WDR1: variants seen among roughly 807,000 people sequenced by gnomAD.
The protein encoded by WDR1 is WD repeat domain 1.
WDR1 carries 21 observed loss-of-function variants against 71.9 expected under a neutral mutation model. That is an observed-to-expected ratio of 0.29 (90% CI 0.21 to 0.42). The LOEUF is 0.42. Ranked by LOEUF, WDR1 falls within the 10% of genes least tolerant of loss-of-function variation. WDR1 has a pLI of 1.00. For missense variants in WDR1, 696 were observed against 824.5 expected (o/e 0.84, Z 1.91); for synonymous variants, 424 against 347.4 (o/e 1.22, Z -2.45).
intron 12 of WDR1, 35 bp downstream of exon 12, chr4:10,078,856 G>C: frequency 6.4e-7 from 1 of 1,573,538 alleles, no homozygotes; most frequent in Non-Finnish European, 8.7e-7. Flanking sequence ...CAGATACCAA[G>C]GACAGAGAGC....
chr4:10,088,678 T>C lies in WDR1; in HGVS notation c.622A>G (p.Ser208Gly), dbSNP rs1415044716. 2.5e-6 allele frequency: 4 copies of C among 1,606,734 alleles called. No individual in the cohort carries two copies. The highest frequency in any genetic ancestry group is 1.7e-5 in the Admixed American group (1 of 59,174). Reference sequence around the variant, plus strand: ...CCAGTTCTTACCTGGCCGTCAGCACTGGCTGTGGCAAATCTGTTCCCATCA... The same window carrying C: ...CCAGTTCTTACCTGGCCGTCAGCACCGGCTGTGGCAAATCTGTTCCCATCA... ...SPDGNRFATASADGQIYIYDG... is the reference protein window; with the variant it reads ...SPDGNRFATAGADGQIYIYDG... Residue 208 changes from serine (S) to glycine (G), a missense_variant, in exon 6 of 15, where the codon AGT becomes GGT. Coordinates refer to ENST00000499869, the MANE Select transcript of WDR1 (RefSeq NM_017491.5).
At chr4:10,107,513 G>A (rs529876855) in intron 2 of WDR1, among the ~76,000 whole-genome samples, 1 of 152,256 alleles carries the variant, frequency 6.6e-6, no homozygotes, top group Non-Finnish European at 1.5e-5. Flanking sequence ...CTACCCTGCT[G>A]CCGCCCTGAC....
intron 2 of WDR1, among the ~76,000 whole-genome samples, chr4:10,105,679 G>GC (rs1163434344): frequency 6.6e-5 from 10 of 152,282 alleles, no homozygotes; most frequent in African/African-American, 2.4e-4. Flanking sequence ...TGGTGGAAAT[G>GC]CAAAATGGTA....
In WDR1 at chr4:10,103,933, G is replaced by C; in HGVS notation, c.192C>G (p.Ala64=). Residue 64 remains alanine, a synonymous_variant, in exon 3 of 15, where the codon GCC becomes GCG. Coordinates refer to ENST00000499869, the MANE Select transcript of WDR1 (RefSeq NM_017491.5). The part of the protein sequence containing the change: ...YTEHAHQVVV[A]KYAPSGFYIA... ...TGTAGAATCCGCTGGGCGCATACTT[G>C]GCCACCACCACCTGATGGGCGTGCT... The C allele has an allele frequency of 6.2e-7, 1 of 1,602,150 alleles. No individual in the cohort carries two copies. The highest frequency in any genetic ancestry group is 8.5e-7 in the Non-Finnish European group (1 of 1,174,696).
At chr4:10,086,114 A>C (rs140877647) in intron 8 of WDR1, among the ~76,000 whole-genome samples, 2 of 152,212 alleles carry the variant, frequency 1.3e-5, no homozygotes, top group Non-Finnish European at 2.9e-5. Context: ...GGCTCATGGG[A>C]AACTGTTTTT....
intron 4 of WDR1, among the ~76,000 whole-genome samples, chr4:10,098,728 A>T (rs1327261640): frequency 2.6e-5 from 4 of 152,146 alleles, no homozygotes; most frequent in Non-Finnish European, 5.9e-5. Flanking sequence ...TGGGCATGAG[A>T]GCTGGGGTTC....
chr4:10,077,674 T>G, intron 13 of WDR1, 79 bp downstream of exon 13: 2 of 1,476,332 alleles, frequency 1.4e-6, no homozygotes, highest in South Asian at 2.8e-5. Flanking sequence ...CAGCTCAAGG[T>G]CACCAAGTCA....
chr4:10,076,331 G>T (rs1764797589), intron 14 of WDR1: 1 of 152,344 alleles, frequency 6.6e-6, no homozygotes, highest in African/African-American at 2.4e-5. Context: ...CACATCACCA[G>T]GCTGGCTCTT....
chr4:10,097,627 C>G (rs944474886), intron 5 of WDR1, 84 bp downstream of exon 5: 3 of 1,458,690 alleles, frequency 2.1e-6, no homozygotes, highest in South Asian at 2.6e-5. Context: ...GCTGTGGTCT[C>G]TGCCATCAGC....
chr4:10,115,064 G>T (rs1342872212), intron 2 of WDR1, among the ~76,000 whole-genome samples: 1 of 152,220 alleles, frequency 6.6e-6, no homozygotes, highest in African/African-American at 2.4e-5. Flanking sequence ...ACCTACCAAG[G>T]GAAATCAGGC....
intron 14 of WDR1, 159 bp from the exon 15 acceptor site, chr4:10,075,643 T>C (rs1764771626): frequency 1.5e-6 from 1 of 681,406 alleles, no homozygotes. Flanking sequence ...GGTGGCAGTG[T>C]GGCTGAATTC....
At chr4:10,113,899 A>G (rs12498927) in intron 2 of WDR1, among the ~76,000 whole-genome samples, 78,206 of 152,008 alleles carry the variant, frequency 0.51, 20,283 homozygotes, top group East Asian at 0.63. Flanking sequence ...TTTGGCTTGG[A>G]GTATGTATGT....
intron 8 of WDR1, 25 bp from the exon 9 acceptor site, chr4:10,084,555 G>A (rs910015455): frequency 2.1e-5 from 33 of 1,608,658 alleles, no homozygotes; most frequent in Non-Finnish European, 2.6e-5. Flanking sequence ...CACTGGGCGG[G>A]TAAGCTGATG....
chr4:10,099,313 G>A (rs1166419048), intron 3 of WDR1, among the ~76,000 whole-genome samples, 174 bp from the exon 4 acceptor site: 3 of 152,218 alleles, frequency 2.0e-5, no homozygotes, highest in East Asian at 3.9e-4. Context: ...CGTGTCTTAG[G>A]GCAACAATAT....
At chr4:10,083,302 T>C (rs1765086981) in intron 9 of WDR1, 124 bp from the exon 10 acceptor site, 1 of 1,259,250 alleles carries the variant, frequency 7.9e-7, no homozygotes, top group East Asian at 2.6e-5. Context: ...GACATAACCA[T>C]TCCCCCTGGG....
Position 10,081,422 on chromosome 4 carries a change from C to T in WDR1, c.1219G>A (p.Asp407Asn), listed in dbSNP as rs922371986. Residue 407 changes from aspartate (D) to asparagine (N), a missense_variant, in exon 11 of 15, where the codon GAC becomes AAC. Coordinates refer to ENST00000499869, the MANE Select transcript of WDR1 (RefSeq NM_017491.5). ...DYSGQGVVKLDVQPKCVAVGP... is the reference protein window; with the variant it reads ...DYSGQGVVKLNVQPKCVAVGP... ...ACGGCTACGCACTTTGGCTGAACGT[C>T]CAGTTTCACAACTCCTTGTCCGCTG... The T allele has an allele frequency of 1.2e-6, 2 of 1,613,800 alleles. No homozygotes were observed. Among genetic ancestry groups the T allele is most frequent in the South Asian group, 1.1e-5 (1 of 91,078 alleles).
intron 5 of WDR1, among the ~76,000 whole-genome samples, chr4:10,090,041 G>T (rs1000009735): frequency 2.0e-5 from 3 of 152,184 alleles, no homozygotes; most frequent in Admixed American, 6.5e-5. Flanking sequence ...TTGGGGTGAA[G>T]CTGGAGGCAG....
Position 10,097,905 on chromosome 4 carries a change from C to G in WDR1, c.378-14G>C. ...ACTGCTCCAAACCTTGACCCAATGA[C>G]ACAGGTGGAAGACAAAAAAAAAAAA... On this transcript the variant is annotated splice_polypyrimidine_tract_variant and intron_variant, in intron 4 of 14. Coordinates refer to ENST00000499869, the MANE Select transcript of WDR1 (RefSeq NM_017491.5). 1 of 1,459,482 alleles carries G rather than the reference C, an allele frequency of 6.9e-7. No individual in the cohort carries two copies. Among genetic ancestry groups the G allele is most frequent in the Non-Finnish European group, 9.1e-7 (1 of 1,094,444 alleles). 90.4% of individuals were successfully genotyped at this position (1,459,482 alleles called of 1,614,324 possible). A position where few individuals can be genotyped will look rare whatever the true frequency, so the allele number is the denominator to read the frequency against.
intron 1 of WDR1, 167 bp from the exon 2 acceptor site, chr4:10,116,401 C>A: frequency 9.2e-7 from 1 of 1,085,724 alleles, no homozygotes; most frequent in East Asian, 2.7e-5. Flanking sequence ...TCCTGGTCCG[C>A]GCCCCGGGCC....
Sources: gnomAD v4.1 joint callset for allele counts (sites outside exome capture counted in the v4.1 genomes callset) on GRCh38, gnomAD v4.1.1 for gene constraint, MANE v1.5 for transcripts, NCBI Gene and HGNC (gene_info 2026-07-23, HGNC 2026-07-21) for gene names.